Variants in RAB3GAP2 observed in about 807,000 individuals in gnomAD.
RAB3GAP2 encodes RAB3 GTPase activating non-catalytic protein subunit 2, also known as rab3 GTPase-activating protein non-catalytic subunit.
In RAB3GAP2, 87 loss-of-function variants were observed where a neutral mutation model predicts 185.3. The ratio of observed to expected loss-of-function variants is 0.47; its 90% CI spans 0.39 to 0.56. The LOEUF (loss-of-function observed/expected upper bound fraction) is 0.56. RAB3GAP2 is among the 20% of genes least tolerant of loss of function. The pLI, the probability that RAB3GAP2 is intolerant of heterozygous loss-of-function variation, is 0.00. For synonymous variants in RAB3GAP2, 554 were observed against 576.1 expected (o/e 0.96, Z 0.55); for missense variants, 1,492 against 1,638.2 (o/e 0.91, Z 1.54).
At chr1:220,264,162 G>A (rs574886051) in intron 1 of RAB3GAP2, among the ~76,000 whole-genome samples, 66 of 151,790 alleles carry the variant, frequency 4.3e-4, no homozygotes, top group African/African-American at 1.5e-3. Context: ...ATTATTATCA[G>A]TACAAAACTC....
Position 220,151,300 on chromosome 1 carries a change from GCTAGA to G in RAB3GAP2, c.4128_4132del (p.Ala1378ThrfsTer4). The G allele has an allele frequency of 6.2e-7, 1 of 1,614,030 alleles. No individual in the cohort carries two copies. The highest frequency in any genetic ancestry group is 8.5e-7 in the Non-Finnish European group (1 of 1,179,974). On this transcript the variant is annotated frameshift_variant, in exon 35 of 35. Coordinates refer to ENST00000358951, the MANE Select transcript of RAB3GAP2 (RefSeq NM_012414.4). LOFTEE classifies it high-confidence loss of function. ...TTCCACAGCTTCAATGAGGTGTAAG[GCTAGA>G]CCATATTGCCCATGTTTTTCTGGTA...
intron 24 of RAB3GAP2, 80 bp downstream of exon 24, chr1:220,170,812 T>C: frequency 8.4e-7 from 1 of 1,186,096 alleles, no homozygotes; most frequent in Non-Finnish European, 1.3e-6. Context: ...TCTTTCTCTA[T>C]TCTTTCCGTC....
At chr1:220,230,042 G>C (rs1278681930) in intron 2 of RAB3GAP2, among the ~76,000 whole-genome samples, 1 of 152,126 alleles carries the variant, frequency 6.6e-6, no homozygotes, top group Non-Finnish European at 1.5e-5. Flanking sequence ...GAATCATGAA[G>C]AATCTCCAAG....
chr1:220,157,086 C>G (rs1020780621), intron 31 of RAB3GAP2, among the ~76,000 whole-genome samples, 184 bp downstream of exon 31: 3 of 151,880 alleles, frequency 2.0e-5, no homozygotes, highest in Admixed American at 2.0e-4. Context: ...GGCAAAACTC[C>G]AAGGGGAGCA....
intron 4 of RAB3GAP2, among the ~76,000 whole-genome samples, chr1:220,211,589 G>T (rs1443657516): frequency 2.0e-5 from 3 of 151,964 alleles, no homozygotes; most frequent in Non-Finnish European, 4.4e-5. Context: ...ATATAAAAAA[G>T]ATATATTTTT....
intron 21 of RAB3GAP2, among the ~76,000 whole-genome samples, chr1:220,174,848 C>T (rs1346483853): frequency 6.6e-6 from 1 of 152,118 alleles, no homozygotes; most frequent in Non-Finnish European, 1.5e-5. Context: ...CACCATGTTC[C>T]TTCCACTTGC....
intron 1 of RAB3GAP2, among the ~76,000 whole-genome samples, chr1:220,233,573 C>CA (rs137873149): frequency 0.01 from 1,544 of 152,282 alleles, 24 homozygotes; most frequent in African/African-American, 0.035. Flanking sequence ...TACTCTGAGA[C>CA]AAGCATGAGA....
At chr1:220,261,141 AACTTAAATGTG>A (rs1660129082) in intron 1 of RAB3GAP2, among the ~76,000 whole-genome samples, 1 of 152,102 alleles carries the variant, frequency 6.6e-6, no homozygotes, top group Non-Finnish European at 1.5e-5. Context: ...TCTTCTGGGG[AACTTAAATGTG>A]AGATTTAGAC....
intron 2 of RAB3GAP2, among the ~76,000 whole-genome samples, chr1:220,230,423 G>C (rs1659477016): frequency 6.6e-6 from 1 of 152,204 alleles, no homozygotes; most frequent in Non-Finnish European, 1.5e-5. Context: ...TTAGAAAGAG[G>C]ACCAGGTGTT....
chr1:220,197,843 A>G (rs1658759562), intron 9 of RAB3GAP2, among the ~76,000 whole-genome samples: 1 of 151,784 alleles, frequency 6.6e-6, no homozygotes, highest in South Asian at 2.1e-4. Flanking sequence ...CTTGCTACCA[A>G]TGATGTTTTC....
In RAB3GAP2 at chr1:220,170,991, G is replaced by A. The variant is rs1658164328; in HGVS notation, c.2707C>T (p.Leu903Phe). The change falls in exon 24 of 35, where the codon CTT becomes TTT. Residue 903 changes from leucine (L) to phenylalanine (F), a missense_variant. This residue lies in a region of RAB3GAP2 where 681 missense variants were observed against 689.1 expected (regional missense o/e 0.99). Transcript: ENST00000358951. ...LEDCLILQTLLHSKGNTQTSK... is the reference protein window; with the variant it reads ...LEDCLILQTLFHSKGNTQTSK... ...GTCTGAGTGTTCCCTTTGCTGTGAAGCAGAGTCTGAAGTATGAGACAATCC... is the reference window on the plus strand; with the variant it reads ...GTCTGAGTGTTCCCTTTGCTGTGAAACAGAGTCTGAAGTATGAGACAATCC... 1.1e-5 allele frequency: 17 copies of A among 1,614,182 alleles called. No homozygotes were observed. Among genetic ancestry groups the A allele is most frequent in the Non-Finnish European group, 1.4e-5 (17 of 1,180,008 alleles).
intron 2 of RAB3GAP2, among the ~76,000 whole-genome samples, chr1:220,215,711 T>C (rs1347926391): frequency 6.6e-6 from 1 of 152,112 alleles, no homozygotes; most frequent in Non-Finnish European, 1.5e-5. Context: ...CATGTAGAAA[T>C]TTTTTATTGT....
Position 220,167,275 on chromosome 1 carries a change from A to G in RAB3GAP2, c.3087+18T>C. Reference sequence around the variant, plus strand: ...CACAGAAGCAGAAATAACATGAAAGAGGTAACGAGAATCTTACCTCTGGAT... The same window carrying G: ...CACAGAAGCAGAAATAACATGAAAGGGGTAACGAGAATCTTACCTCTGGAT... On this transcript the variant is annotated intron_variant, in intron 26 of 34. Transcript: ENST00000358951. 6.3e-7 allele frequency: 1 copy of G among 1,590,406 alleles called. No individual in the cohort carries two copies. Among genetic ancestry groups the G allele is most frequent in the Admixed American group, 1.7e-5 (1 of 59,974 alleles).
intron 1 of RAB3GAP2, among the ~76,000 whole-genome samples, chr1:220,262,126 A>G: frequency 9.1e-6 from 1 of 110,244 alleles, no homozygotes. Flanking sequence ...CATCTCTACT[A>G]AAAATACAAA....
At chr1:220,211,302 A>T (rs1277836414) in intron 4 of RAB3GAP2, 1 of 543,812 alleles carries the variant, frequency 1.8e-6, no homozygotes, top group Non-Finnish European at 3.5e-6. Context: ...CTGACTGTAT[A>T]CACAACTGAG....
At chr1:220,247,427 T>A (rs1005031071) in intron 1 of RAB3GAP2, among the ~76,000 whole-genome samples, 1 of 152,154 alleles carries the variant, frequency 6.6e-6, no homozygotes, top group African/African-American at 2.4e-5. Flanking sequence ...TCAGCTATAT[T>A]AAGGAATGAA....
In RAB3GAP2 at chr1:220,153,303, T is replaced by A. The variant is rs775118847; in HGVS notation, c.3749A>T (p.Gln1250Leu). Residue 1250 changes from glutamine to leucine, a missense_variant, in exon 33 of 35, where the codon CAA (glutamine) becomes CTA (leucine). Physicochemically the swap from Gln to Leu is moderately radical, Grantham distance 113 (BLOSUM62 -2). Transcript: ENST00000358951. ...ATCCACAGCTAGAGCTGGCCAATCT[T>A]GGTCTTTCCCAAAAGGAGTGGGTGT... ...EATPTPFGKDQDWPALAVDLA... is the reference protein window; with the variant it reads ...EATPTPFGKDLDWPALAVDLA... The A allele has an allele frequency of 6.2e-7, 1 of 1,614,204 alleles. No individual in the cohort carries two copies. Among genetic ancestry groups the A allele is most frequent in the Admixed American group, 1.7e-5 (1 of 60,028 alleles).
chr1:220,228,535 C>T (rs1659444147), intron 2 of RAB3GAP2, among the ~76,000 whole-genome samples: 1 of 152,164 alleles, frequency 6.6e-6, no homozygotes, highest in Non-Finnish European at 1.5e-5. Flanking sequence ...TGTTCCCACC[C>T]ACCAGTCTCC....
intron 1 of RAB3GAP2, among the ~76,000 whole-genome samples, chr1:220,234,164 C>G (rs886168178): frequency 4.6e-5 from 7 of 152,180 alleles, no homozygotes; most frequent in African/African-American, 1.7e-4. Context: ...TAAGGACTTA[C>G]ACCAGATAGC....
Sources: gnomAD v4.1 joint callset for allele counts (sites outside exome capture counted in the v4.1 genomes callset) on GRCh38, gnomAD v4.1.1 for gene constraint, gnomAD v4.1.1 regional missense constraint, MANE v1.5 for transcripts, NCBI Gene and HGNC (gene_info 2026-07-23, HGNC 2026-07-21) for gene names.